Variants in KANSL1L observed in about 807,000 individuals in gnomAD.
KANSL1L encodes KAT8 regulatory NSL complex subunit 1-like protein.
Under a neutral mutation model 108.6 loss-of-function variants are expected in KANSL1L, and 25 were observed. The ratio of observed to expected loss-of-function variants is 0.23; its 90% CI spans 0.17 to 0.32. The LOEUF is 0.32. Ranked by LOEUF, KANSL1L falls within the 10% of genes least tolerant of loss-of-function variation. KANSL1L has a pLI of 1.00. For missense variants in KANSL1L, 1,137 were observed against 1,125.7 expected (o/e 1.01, Z -0.14); for synonymous variants, 405 against 395.1 (o/e 1.03, Z -0.30).
At chr2:210,168,140 G>T (rs913976421) in intron 1 of KANSL1L, among the ~76,000 whole-genome samples, 2 of 152,006 alleles carry the variant, frequency 1.3e-5, no homozygotes, top group Non-Finnish European at 2.9e-5. Context: ...CGATATGAGA[G>T]ATATGCTTTA....
chr2:210,024,274 G>C (rs557499409), intron 13 of KANSL1L, 73 bp from the exon 14 acceptor site: 1 of 1,152,644 alleles, frequency 8.7e-7, no homozygotes, highest in East Asian at 2.7e-5. Flanking sequence ...ACAACCCAAG[G>C]TATCACTGAG....
At chr2:210,077,437 G>C (rs761455312) in intron 5 of KANSL1L, among the ~76,000 whole-genome samples, 19 of 152,074 alleles carry the variant, frequency 1.2e-4, no homozygotes, top group Non-Finnish European at 2.8e-4. Context: ...CATATCAAGG[G>C]GGAGCAGAAG....
intron 2 of KANSL1L, among the ~76,000 whole-genome samples, chr2:210,149,652 G>T (rs1314315979): frequency 6.6e-6 from 1 of 151,808 alleles, no homozygotes; most frequent in Non-Finnish European, 1.5e-5. Flanking sequence ...ACCTAAGATA[G>T]AACTGATTAA....
At chr2:210,150,686 G>A (rs994391971) in intron 2 of KANSL1L, among the ~76,000 whole-genome samples, 2 of 151,538 alleles carry the variant, frequency 1.3e-5, no homozygotes, top group Non-Finnish European at 2.9e-5. Context: ...GGAGGCTGAA[G>A]CAGGAGAATC....
At chr2:210,038,758 G>C (rs747606902) in intron 8 of KANSL1L, among the ~76,000 whole-genome samples, 2 of 151,840 alleles carry the variant, frequency 1.3e-5, no homozygotes, top group Non-Finnish European at 2.9e-5. Context: ...AGGAAACTTA[G>C]TTATATAGAG....
At chr2:210,164,158 T>A (rs2125681288) in intron 1 of KANSL1L, among the ~76,000 whole-genome samples, 1 of 152,292 alleles carries the variant, frequency 6.6e-6, no homozygotes, top group South Asian at 2.1e-4. Context: ...TATATCAACA[T>A]GTAATCAATA....
intron 6 of KANSL1L, among the ~76,000 whole-genome samples, chr2:210,073,154 C>T (rs1452111441): frequency 6.6e-6 from 1 of 152,118 alleles, no homozygotes; most frequent in Non-Finnish European, 1.5e-5. Flanking sequence ...TTTTTAAACA[C>T]TTCCTTGCTT....
upstream of KANSL1L, chr2:210,171,536 TGGAAGTGGCA>T (rs934887696): frequency 1.3e-5 from 2 of 152,932 alleles, no homozygotes; most frequent in African/African-American, 4.8e-5. Context: ...CGGAGTGTTC[TGGAAGTGGCA>T]GGAGCACGAC....
rs199839419 is a variant in KANSL1L, at chr2:210,078,951, ATCTT to A, written c.1551-3199_1551-3196del. Reference sequence around the variant, plus strand: ...AAATAAGGTTTATCTCTTTTTAAAAATCTTTCTTTCTTTTTTACAGACAGGGTTT... The same window carrying A: ...AAATAAGGTTTATCTCTTTTTAAAAATCTTTCTTTTTTACAGACAGGGTTT... On this transcript the variant is annotated intron_variant, in intron 5 of 14. Transcript: ENST00000281772. Among the ~76,000 whole-genome samples the A allele has an allele frequency of 4.8e-3, 734 of 152,262 alleles. 3 individuals are homozygous for A. Among genetic ancestry groups the A allele is most frequent in the African/African-American group, 0.017 (696 of 41,562 alleles).
chr2:210,062,504 A>G (rs1487670811), intron 6 of KANSL1L, among the ~76,000 whole-genome samples: 1 of 152,208 alleles, frequency 6.6e-6, no homozygotes, highest in African/African-American at 2.4e-5. Context: ...CAGAAAACAG[A>G]AAAGTGTGGG....
At chr2:210,166,117 T>C (rs956364421) in intron 1 of KANSL1L, among the ~76,000 whole-genome samples, 2 of 152,182 alleles carry the variant, frequency 1.3e-5, no homozygotes, top group Admixed American at 1.3e-4. Flanking sequence ...TGGACTACTG[T>C]ACTACAAATA....
At chr2:210,064,899 A>G (rs1317649816) in intron 6 of KANSL1L, among the ~76,000 whole-genome samples, 1 of 151,908 alleles carries the variant, frequency 6.6e-6, no homozygotes, top group Non-Finnish European at 1.5e-5. Context: ...GAAGGAGTAC[A>G]TTACGAACTC....
chr2:210,072,987 C>A (rs1575475360), intron 6 of KANSL1L, among the ~76,000 whole-genome samples: 1 of 152,102 alleles, frequency 6.6e-6, no homozygotes, highest in South Asian at 2.1e-4. Flanking sequence ...TTTTCCTTTT[C>A]ACCAATTTAT....
intron 7 of KANSL1L, among the ~76,000 whole-genome samples, chr2:210,041,531 G>T (rs1038506366): frequency 6.6e-6 from 1 of 152,176 alleles, no homozygotes. Flanking sequence ...AATCTCCTGG[G>T]CGCAAGCAAT....
intron 6 of KANSL1L, among the ~76,000 whole-genome samples, chr2:210,054,250 A>G (rs2094324768): frequency 6.6e-6 from 1 of 151,318 alleles, no homozygotes; most frequent in Admixed American, 6.6e-5. Context: ...TGAACTCAGG[A>G]GGCGGAGCTT....
intron 8 of KANSL1L, among the ~76,000 whole-genome samples, chr2:210,038,685 T>G (rs1282088732): frequency 6.6e-6 from 1 of 151,988 alleles, no homozygotes; most frequent in Non-Finnish European, 1.5e-5. Context: ...AAGTGCTTTA[T>G]GAGTTAGTGA....
chr2:210,023,254 CAT>C, intron 14 of KANSL1L, 75 bp from the exon 15 acceptor site: 1 of 989,986 alleles, frequency 1.0e-6, no homozygotes, highest in East Asian at 2.4e-5. Context: ...GTAATCTGTA[CAT>C]GTCTATATTG....
chr2:210,065,882 C>G (rs73063940), intron 6 of KANSL1L, among the ~76,000 whole-genome samples: 2,476 of 152,144 alleles, frequency 0.016, 72 homozygotes, highest in African/African-American at 0.056. Context: ...GCCACTGCAC[C>G]CAGCCATGGA....
intron 6 of KANSL1L, among the ~76,000 whole-genome samples, chr2:210,070,598 T>C (rs1167432765): frequency 6.6e-6 from 1 of 152,116 alleles, no homozygotes; most frequent in East Asian, 1.9e-4. Flanking sequence ...AATGATCTCA[T>C]TTCAGGATCC....
Sources: allele counts gnomAD v4.1 joint callset (sites outside exome capture counted in the v4.1 genomes callset), GRCh38; gene constraint gnomAD v4.1.1; transcripts MANE v1.5; gene names NCBI Gene and HGNC (gene_info 2026-07-23, HGNC 2026-07-21).